LINGO1: variants seen among roughly 807,000 people sequenced by gnomAD.
LINGO1 encodes leucine-rich repeat and immunoglobulin-like domain-containing nogo receptor-interacting protein 1.
A neutral mutation model predicts 37.3 loss-of-function variants in LINGO1; 11 were observed. That is an observed-to-expected ratio of 0.29 (90% confidence interval 0.19 to 0.49). The LOEUF (loss-of-function observed/expected upper bound fraction) is 0.49, where lower values mean the gene tolerates loss of function less well. Among genes scored for constraint, LINGO1 ranks in the 20% least tolerant of loss-of-function variants. The pLI, the probability that LINGO1 is intolerant of heterozygous loss-of-function variation, is 0.99. For synonymous variants in LINGO1, 387 were observed against 403.0 expected, an observed-to-expected ratio of 0.96 and a Z score of 0.48; for missense variants, 585 against 878.2, an observed-to-expected ratio of 0.67 and a Z score of 4.22.
chr15:77,749,560 C>T (rs2076350523), intron 1 of LINGO1, among the ~76,000 whole-genome samples: 1 of 152,262 alleles, frequency 6.6e-6, no homozygotes, highest in South Asian at 2.1e-4. Context: ...TCCTGACCTC[C>T]TTCCTCCAGA....
chr15:77,747,771 G>A (rs1412407023), intron 1 of LINGO1, among the ~76,000 whole-genome samples: 1 of 152,242 alleles, frequency 6.6e-6, no homozygotes, highest in Non-Finnish European at 1.5e-5. Context: ...CCATTAAAGG[G>A]AAACATCGTT....
upstream of LINGO1, among the ~76,000 whole-genome samples, chr15:77,700,634 C>T (rs376544034): frequency 5.1e-4 from 77 of 152,112 alleles, no homozygotes; most frequent in African/African-American, 1.4e-3. Context: ...TAGGTGGGGT[C>T]GGTGTTACCA....
chr15:77,721,884 C>G (rs1418529477), intron 2 of LINGO1, among the ~76,000 whole-genome samples: 1 of 152,028 alleles, frequency 6.6e-6, no homozygotes, highest in East Asian at 1.9e-4. Context: ...AATTATGCCC[C>G]TATCCACCCC....
At chr15:77,647,294 G>A (rs1021362059) in intron 3 of LINGO1, among the ~76,000 whole-genome samples, 98 of 152,042 alleles carry the variant, frequency 6.4e-4, no homozygotes, top group African/African-American at 2.3e-3. Flanking sequence ...AGGGATGAAA[G>A]GGTCAGTCTG....
intron 2 of LINGO1, among the ~76,000 whole-genome samples, chr15:77,723,905 G>C (rs1334135145): frequency 1.3e-5 from 2 of 152,140 alleles, no homozygotes; most frequent in East Asian, 3.9e-4. Flanking sequence ...GCGAGAGAAA[G>C]AGACAGATCT....
Position 77,769,305 on chromosome 15 carries a change from G to A in LINGO1, c.-257+17564C>T, listed in dbSNP as rs115723391. Among the ~76,000 whole-genome samples, 223 of 152,322 alleles carry A rather than the reference G, an allele frequency of 1.5e-3. 4 individuals are homozygous for A. Among genetic ancestry groups the A allele is most frequent in the African/African-American group, 5.2e-3 (217 of 41,564 alleles). ...CAAAGAGAGGAGGAAAACCCCACTC[G>A]TCCCATCCCCACCTCTGGCAGGGCC... On this transcript the variant is annotated intron_variant, in intron 1 of 3. Transcript: ENST00000561686.
intron 1 of LINGO1, among the ~76,000 whole-genome samples, chr15:77,631,862 C>A (rs763898034): frequency 2.7e-4 from 41 of 152,198 alleles, no homozygotes. Context: ...TGTGGAGAAA[C>A]CCAGCCCCTG....
chr15:77,659,048 G>A (rs993570765), intron 3 of LINGO1, among the ~76,000 whole-genome samples: 1 of 152,202 alleles, frequency 6.6e-6, no homozygotes, highest in Admixed American at 6.5e-5. Context: ...GGAGCCCTGG[G>A]GGCAAGGGCA....
At chr15:77,681,344 T>C (rs929715159) in intron 2 of LINGO1, among the ~76,000 whole-genome samples, 1 of 152,108 alleles carries the variant, frequency 6.6e-6, no homozygotes, top group Non-Finnish European at 1.5e-5. Flanking sequence ...CAGATAAGCT[T>C]AAGATAAGGA....
intron 1 of LINGO1, among the ~76,000 whole-genome samples, chr15:77,694,864 C>T (rs1183425681): frequency 6.6e-6 from 1 of 152,222 alleles, no homozygotes; most frequent in Non-Finnish European, 1.5e-5. Flanking sequence ...CCCTTTCCTA[C>T]CAGACAGGCA....
At chr15:77,696,805 C>T (rs952123544), upstream of LINGO1, among the ~76,000 whole-genome samples, 1 of 152,252 alleles carries the variant, frequency 6.6e-6, no homozygotes, top group African/African-American at 2.4e-5. Flanking sequence ...CCAACCCCCA[C>T]CCACACACTC....
At chr15:77,629,671 C>T (rs1478246825) in intron 1 of LINGO1, among the ~76,000 whole-genome samples, 1 of 152,196 alleles carries the variant, frequency 6.6e-6, no homozygotes, top group Non-Finnish European at 1.5e-5. Flanking sequence ...ATAGCTACTC[C>T]CTTGTACCTC....
At chr15:77,741,155 G>A (rs1356574277) in intron 1 of LINGO1, among the ~76,000 whole-genome samples, 2 of 152,232 alleles carry the variant, frequency 1.3e-5, no homozygotes, top group Non-Finnish European at 2.9e-5. Flanking sequence ...AGGAGACATT[G>A]GCTGGGCTGG....
In LINGO1 at chr15:77,614,756, C is replaced by T. The variant is rs1361090513; in HGVS notation, c.1151G>A (p.Arg384His). ...CTGCCGGTTGAAGTTGAGCCGCCAG[C>T]GGCGCCGGAACACCCACAGGAGCCG... is the stretch of plus-strand genomic sequence containing the variant. ...DCRLLWVFRR[R>H]WRLNFNRQQP... Residue 384 changes from arginine (R) to histidine (H), a missense_variant, in exon 2 of 2, where the codon CGC becomes CAC. Arg to His is a conservative substitution (Grantham distance 29). Around this residue, in one of 4 missense-constraint regions of LINGO1, gnomAD observed 484 missense variants for 735.0 expected, o/e 0.66. Coordinates refer to ENST00000355300, the MANE Select transcript of LINGO1 (RefSeq NM_032808.7). 2 of 1,606,520 alleles carry T rather than the reference C, an allele frequency of 1.2e-6. No homozygotes were observed. The highest frequency in any genetic ancestry group is 1.7e-6 in the Non-Finnish European group (2 of 1,176,576).
chr15:77,675,872 C>CAT (rs2075318886), intron 3 of LINGO1, among the ~76,000 whole-genome samples: 1 of 152,182 alleles, frequency 6.6e-6, no homozygotes, highest in Non-Finnish European at 1.5e-5. Context: ...ACTGCCTCAT[C>CAT]CCTGTTACCC....
At chr15:77,664,168 TGTGC>T (rs753489048) in intron 3 of LINGO1, among the ~76,000 whole-genome samples, 1 of 120,260 alleles carries the variant, frequency 8.3e-6, no homozygotes, top group African/African-American at 4.4e-5. Context: ...TGTGTGTGTG[TGTGC>T]GCGCGCGCAT....
intron 1 of LINGO1, among the ~76,000 whole-genome samples, chr15:77,752,641 C>T (rs1354677031): frequency 6.6e-6 from 1 of 152,200 alleles, no homozygotes; most frequent in Non-Finnish European, 1.5e-5. Flanking sequence ...ATGGAATCAG[C>T]CAACCCTAGG....
upstream of LINGO1, among the ~76,000 whole-genome samples, chr15:77,637,494 C>G (rs1384460677): frequency 6.6e-6 from 1 of 152,186 alleles, no homozygotes; most frequent in African/African-American, 2.4e-5. This position sits in a 1 kb window ranked among gnomAD's most constrained non-coding sequence, Gnocchi z 4.6. Flanking sequence ...GCTGTATGTC[C>G]CTGGACACCT....
chr15:77,625,419 A>G (rs974195231), intron 1 of LINGO1, among the ~76,000 whole-genome samples: 1 of 152,244 alleles, frequency 6.6e-6, no homozygotes, highest in Non-Finnish European at 1.5e-5. Context: ...TGGAAGAAGC[A>G]GAAGCACAAA....
Sources: gnomAD v4.1 joint callset for allele counts (sites outside exome capture counted in the v4.1 genomes callset) on GRCh38, gnomAD v4.1.1 for gene constraint, gnomAD v4.1.1 regional missense constraint, Gnocchi (gnomAD v3.1) non-coding constraint, MANE v1.5 for transcripts, NCBI Gene and HGNC (gene_info 2026-07-23, HGNC 2026-07-21) for gene names.